SENP5: variants seen among roughly 807,000 people sequenced by gnomAD.
SENP5 encodes SUMO specific peptidase 5.
A neutral mutation model predicts 74.2 loss-of-function variants in SENP5; 21 were observed. The observed-to-expected ratio is 0.28, with a 90% CI of 0.20 to 0.41. SENP5 has a LOEUF of 0.41. Ranked by LOEUF, SENP5 falls within the 10% of genes least tolerant of loss-of-function variation. The probability of loss-of-function intolerance (pLI) is 1.00; values close to 1 mark genes in which losing one functional copy is unlikely to be tolerated. For synonymous variants in SENP5, 311 were observed against 312.7 expected (o/e 0.99, Z 0.06); for missense variants, 717 against 889.1 (o/e 0.81, Z 2.46).
intron 2 of SENP5, among the ~76,000 whole-genome samples, chr3:196,898,862 C>T (rs4916576): frequency 5.9e-5 from 9 of 151,598 alleles, no homozygotes; most frequent in South Asian, 4.2e-4. Context: ...CATTCAATTC[C>T]GTTCAATGAT....
intron 6 of SENP5, among the ~76,000 whole-genome samples, chr3:196,909,248 TC>T (rs1715025556): frequency 1.3e-5 from 2 of 152,044 alleles, no homozygotes; most frequent in Admixed American, 6.6e-5. Context: ...AATAACAAAT[TC>T]TGAAATTGAG....
intron 1 of SENP5, among the ~76,000 whole-genome samples, chr3:196,879,083 G>A (rs1713606472): frequency 6.6e-6 from 1 of 152,056 alleles, no homozygotes; most frequent in Non-Finnish European, 1.5e-5. Flanking sequence ...TACCATTCCA[G>A]GTGAGATAAT....
At chr3:196,912,417 G>T (rs1010441462) in intron 6 of SENP5, among the ~76,000 whole-genome samples, 1 of 152,146 alleles carries the variant, frequency 6.6e-6, no homozygotes, top group African/African-American at 2.4e-5. Flanking sequence ...ACCGGGGCCT[G>T]TCAGGGGGTT....
chr3:196,875,658 G>A (rs1489865652), intron 1 of SENP5, among the ~76,000 whole-genome samples: 1 of 152,134 alleles, frequency 6.6e-6, no homozygotes, highest in Middle Eastern at 3.2e-3. Context: ...AATTTCTTCA[G>A]AGAGGTGTTT....
At chr3:196,892,944 T>C (rs772635869) in intron 2 of SENP5, among the ~76,000 whole-genome samples, 9 of 152,236 alleles carry the variant, frequency 5.9e-5, no homozygotes, top group African/African-American at 1.7e-4. Flanking sequence ...CATCCACTCA[T>C]GGGCATTGAG....
chr3:196,910,826 T>C (rs1422179479), intron 6 of SENP5, among the ~76,000 whole-genome samples: 1 of 152,114 alleles, frequency 6.6e-6, no homozygotes, highest in African/African-American at 2.4e-5. Context: ...CAAACTATAC[T>C]ACAAGGCTAC....
At chr3:196,921,816 A>T (rs1056367990) in intron 6 of SENP5, among the ~76,000 whole-genome samples, 6 of 152,218 alleles carry the variant, frequency 3.9e-5, no homozygotes, top group Non-Finnish European at 8.8e-5. Flanking sequence ...AGAAAGCGAG[A>T]AGGAAATCTT....
intron 2 of SENP5, among the ~76,000 whole-genome samples, chr3:196,898,884 C>G (rs1577819189): frequency 6.6e-6 from 1 of 151,984 alleles, no homozygotes; most frequent in African/African-American, 2.4e-5. Context: ...CCATTAGATT[C>G]CATTTGATGA....
chr3:196,890,932 C>T (rs574448863), intron 2 of SENP5, among the ~76,000 whole-genome samples: 1 of 152,278 alleles, frequency 6.6e-6, no homozygotes, highest in Non-Finnish European at 1.5e-5. Flanking sequence ...GATTCCTGTG[C>T]CGCAAAACAT....
intron 1 of SENP5, among the ~76,000 whole-genome samples, chr3:196,878,626 C>G (rs1713583642): frequency 6.6e-6 from 1 of 152,062 alleles, no homozygotes; most frequent in Non-Finnish European, 1.5e-5. Flanking sequence ...TGGAGTCTTC[C>G]TGTCACCCAG....
chr3:196,890,650 A>G (rs957664252), intron 2 of SENP5, among the ~76,000 whole-genome samples: 3 of 152,214 alleles, frequency 2.0e-5, no homozygotes, highest in African/African-American at 7.2e-5. Context: ...TTACTTTGCA[A>G]GTTCTTTAAG....
At chr3:196,873,131 T>C (rs554499522) in intron 1 of SENP5, among the ~76,000 whole-genome samples, 81 of 147,692 alleles carry the variant, frequency 5.5e-4, no homozygotes, top group Non-Finnish European at 1.1e-3. Flanking sequence ...TGGAGTGCAG[T>C]GGCGTGAACT....
At chr3:196,870,427 T>C (rs1161984776) in intron 1 of SENP5, among the ~76,000 whole-genome samples, 1 of 152,230 alleles carries the variant, frequency 6.6e-6, no homozygotes, top group African/African-American at 2.4e-5. Flanking sequence ...TACTCTATTA[T>C]TAGTAGAGCC....
intron 6 of SENP5, among the ~76,000 whole-genome samples, chr3:196,910,491 C>T (rs977004391): frequency 2.0e-5 from 3 of 151,690 alleles, no homozygotes; most frequent in South Asian, 2.1e-4. Context: ...GGACTACAGG[C>T]ATGCACCACC....
chr3:196,894,136 T>A (rs1357692685), intron 2 of SENP5, among the ~76,000 whole-genome samples: 1 of 118,686 alleles, frequency 8.4e-6, no homozygotes, highest in Non-Finnish European at 1.9e-5. Context: ...TTTTTTTTTT[T>A]TCTGGAGACA....
chr3:196,914,323 A>G (rs1187773792), intron 6 of SENP5: 1 of 151,964 alleles, frequency 6.6e-6, no homozygotes, highest in Non-Finnish European at 1.5e-5. Context: ...TTCATGCATT[A>G]GATGATATTA....
At chr3:196,894,404 T>TGA (rs1432342977) in intron 2 of SENP5, among the ~76,000 whole-genome samples, 1 of 152,112 alleles carries the variant, frequency 6.6e-6, no homozygotes, top group Non-Finnish European at 1.5e-5. Context: ...ATTACAAATG[T>TGA]GAGCTACTGC....
Position 196,911,809 on chromosome 3 carries a change from C to CA in SENP5, c.1884+8208dup, listed in dbSNP as rs372716868. ...TAGCAACAAGAGCAAGACTCCGTCT[C>CA]AAAAAAAAACAAAACAAAAACAGCT... On this transcript the variant is annotated intron_variant, in intron 6 of 9. Transcript: ENST00000323460. 7.4e-3 allele frequency among the ~76,000 whole-genome samples: 1,097 copies of CA among 147,666 alleles called. 14 individuals carry two copies. Among genetic ancestry groups the CA allele is most frequent in the African/African-American group, 0.023 (944 of 40,222 alleles).
chr3:196,909,680 A>G (rs529841285), intron 6 of SENP5, among the ~76,000 whole-genome samples: 1 of 152,334 alleles, frequency 6.6e-6, no homozygotes, highest in East Asian at 1.9e-4. Context: ...ATTTCAGTAG[A>G]TGCAGAAAAG....
Sources: gnomAD v4.1 joint callset for allele counts (sites outside exome capture counted in the v4.1 genomes callset) on GRCh38, gnomAD v4.1.1 for gene constraint, MANE v1.5 for transcripts, NCBI Gene and HGNC (gene_info 2026-07-23, HGNC 2026-07-21) for gene names.